The following SPAG9 variants were observed in gnomAD, a reference collection of about 807,000 sequenced individuals.
The protein encoded by SPAG9 is sperm associated antigen 9, also known as C-Jun-amino-terminal kinase-interacting protein 4.
SPAG9 carries 35 observed loss-of-function variants against 166.5 expected under a neutral mutation model. The observed-to-expected ratio is 0.21, with a 90% CI of 0.16 to 0.28. The LOEUF is 0.28. SPAG9 is among the 10% of genes least tolerant of loss of function. The pLI, the probability that SPAG9 is intolerant of heterozygous loss-of-function variation, is 1.00. For missense variants in SPAG9, 1,235 were observed against 1,603.3 expected (o/e 0.77, Z 3.92); for synonymous variants, 534 against 565.5 (o/e 0.94, Z 0.79).
At chr17:51,037,685 A>ATATATATATATATATATATAGTGTGTGT in intron 5 of SPAG9, among the ~76,000 whole-genome samples, 2 of 83,492 alleles carry the variant, frequency 2.4e-5, no homozygotes, top group African/African-American at 7.8e-5. Flanking sequence ...ATATATATAT[A>ATATATATATATATATATATAGTGTGTGT]GTGTGTGTGT....
At chr17:51,085,840 C>T (rs1270342658) in intron 1 of SPAG9, among the ~76,000 whole-genome samples, 1 of 151,726 alleles carries the variant, frequency 6.6e-6, no homozygotes, top group East Asian at 1.9e-4. Flanking sequence ...AAACTCAAAG[C>T]TATATACATT....
At chr17:51,053,102 T>C (rs573330077) in intron 3 of SPAG9, among the ~76,000 whole-genome samples, 1 of 151,868 alleles carries the variant, frequency 6.6e-6, no homozygotes, top group Non-Finnish European at 1.5e-5. Context: ...TAGCATAATT[T>C]AATAATTTTC....
chr17:51,004,147 A>G (rs372573224), intron 12 of SPAG9, among the ~76,000 whole-genome samples: 61 of 152,250 alleles, frequency 4.0e-4, no homozygotes, highest in African/African-American at 1.5e-3. Flanking sequence ...TACATATGTG[A>G]TATGATAAAA....
rs1207328431 is a variant in SPAG9 at position 50,964,002 on chromosome 17, C to A, written c.*2270G>T. Reference sequence around the variant, plus strand: ...AGTGGCTACAATTTTATTGTGTACACAATGTGCTTATAGTCACATGTGGCC... The same window carrying A: ...AGTGGCTACAATTTTATTGTGTACAAAATGTGCTTATAGTCACATGTGGCC... On this transcript the variant is annotated 3_prime_UTR_variant, in exon 30 of 30. Transcript: ENST00000262013. The A allele has an allele frequency of 6.6e-6, 1 of 152,196 alleles. No individual in the cohort carries two copies. The highest frequency in any genetic ancestry group is 1.9e-4 in the East Asian group (1 of 5,200). The allele number at this position is 152,196 out of a possible 1,614,324, so 9.4% of individuals were successfully genotyped here. A position where few individuals can be genotyped will look rare whatever the true frequency, so the allele number is the denominator to read the frequency against.
chr17:51,079,853 T>C, intron 1 of SPAG9, 149 bp from the exon 2 acceptor site: 1 of 552,968 alleles, frequency 1.8e-6, no homozygotes, highest in Non-Finnish European at 3.0e-6. Flanking sequence ...AGTTTTTCTA[T>C]AAAAATTAAG....
intron 3 of SPAG9, among the ~76,000 whole-genome samples, chr17:51,054,291 T>C (rs564137147): frequency 6.6e-6 from 1 of 151,676 alleles, no homozygotes; most frequent in East Asian, 2.0e-4. Context: ...TATTTTTGTA[T>C]ATATTTTTTT....
At chr17:51,014,407 C>T (rs965364241) in intron 8 of SPAG9, 54 bp from the exon 9 acceptor site, 111 of 1,546,070 alleles carry the variant, frequency 7.2e-5, no homozygotes, top group Non-Finnish European at 8.3e-5. Flanking sequence ...ACTTTTTTGA[C>T]GCTGTAAAAT....
chr17:51,119,542 G>A (rs1247635440), intron 1 of SPAG9, among the ~76,000 whole-genome samples: 2 of 152,166 alleles, frequency 1.3e-5, no homozygotes, highest in African/African-American at 4.8e-5. Context: ...CTGCTCGGGT[G>A]CTAGAGTTAA....
chr17:51,100,296 A>C (rs1282429686), intron 1 of SPAG9, among the ~76,000 whole-genome samples: 2 of 151,710 alleles, frequency 1.3e-5, no homozygotes, highest in African/African-American at 4.8e-5. Flanking sequence ...CCCAAGATAA[A>C]AGTATTTTTT....
intron 1 of SPAG9, among the ~76,000 whole-genome samples, chr17:51,105,107 G>GATAAATAAATAA (rs200736089): frequency 9.2e-4 from 140 of 151,410 alleles, no homozygotes; most frequent in Middle Eastern, 3.4e-3. Context: ...AAAATAAATA[G>GATAAATAAATAA]ATAAATAAAT....
At chr17:51,054,242 G>GA (rs2047293591) in intron 3 of SPAG9, among the ~76,000 whole-genome samples, 1 of 146,244 alleles carries the variant, frequency 6.8e-6, no homozygotes, top group South Asian at 2.1e-4. Context: ...TCAGCCTCCT[G>GA]AATAGCTGGG....
intron 6 of SPAG9, among the ~76,000 whole-genome samples, chr17:51,026,664 TTTTTC>T (rs1252230669): frequency 2.1e-5 from 3 of 146,018 alleles, no homozygotes; most frequent in Admixed American, 7.2e-5. Context: ...AGCCCTTTTC[TTTTTC>T]TTTTCTTTTT....
chr17:51,089,556 A>T (rs2048392514), intron 1 of SPAG9, among the ~76,000 whole-genome samples: 1 of 145,500 alleles, frequency 6.9e-6, no homozygotes, highest in Admixed American at 7.0e-5. Context: ...ATAAAATTAT[A>T]TATATATAAT....
intron 27 of SPAG9, chr17:50,975,397 A>AG (rs1416624636): frequency 5.0e-6 from 1 of 200,354 alleles, no homozygotes; most frequent in Non-Finnish European, 1.0e-5. Context: ...ATTTCCCTTG[A>AG]GGGGGTTGGT....
Position 51,078,665 on chromosome 17 carries a change from G to A in SPAG9, c.424+919C>T, listed in dbSNP as rs371623338. On this transcript the variant is annotated intron_variant, in intron 2 of 29. Coordinates refer to ENST00000262013, the MANE Select transcript of SPAG9 (RefSeq NM_001130528.3). The stretch of plus-strand genomic sequence containing the variant: ...TTAGGTCTGTTTTTATTAGCCAAAG[G>A]GGAAAATCATCCTTGAGGTTTGAAA... Among the ~76,000 whole-genome samples, 3 of 151,268 alleles carry A rather than the reference G, an allele frequency of 2.0e-5. No individual in the cohort carries two copies. The East Asian group carries it at 5.8e-4, about 29-fold the overall frequency.
chr17:51,120,559 C>T lies in SPAG9; in HGVS notation c.98G>A (p.Arg33His). 1 of 1,613,734 alleles carries T rather than the reference C, an allele frequency of 6.2e-7. No individual in the cohort carries two copies. Among genetic ancestry groups the T allele is most frequent in the Non-Finnish European group, 8.5e-7 (1 of 1,179,826 alleles). Residue 33 changes from arginine to histidine, a missense_variant, in exon 1 of 30, where the codon CGC becomes CAC. Physicochemically the swap from Arg to His is conservative, Grantham distance 29 (BLOSUM62 0). This residue lies in a region of SPAG9 where 83 missense variants were observed against 149.8 expected (regional missense o/e 0.55). Transcript: ENST00000262013. This position sits in a 1 kb window ranked among gnomAD's most constrained non-coding sequence, Gnocchi z 4.7. ...GCGCCCGATAAGCCGCTCGAACTCG[C>T]GGTAGATGGAGCCGGCCAGGCCGGA... ...RVSGLAGSIYREFERLIGRYD... is the reference protein window; with the variant it reads ...RVSGLAGSIYHEFERLIGRYD...
rs200436430 is a variant in SPAG9, at chr17:51,080,886, CAAAAAAAA to C, written c.304-1190_304-1183del. ...TGGGCTACAGAGCAAGACTCTATCT[CAAAAAAAA>C]AAAAAAAAAAAAAAAAAAGCATCTT... On this transcript the variant is annotated intron_variant, in intron 1 of 29. Coordinates refer to ENST00000262013, the MANE Select transcript of SPAG9 (RefSeq NM_001130528.3). Among the ~76,000 whole-genome samples the C allele has an allele frequency of 1.7e-3, 118 of 67,842 alleles. 1 individual carries two copies. The highest frequency in any genetic ancestry group is 3.7e-3 in the Admixed American group (26 of 7,116). 44.5% of individuals were successfully genotyped at this position (67,842 alleles called of 152,430 possible).
At chr17:50,970,888 C>G (rs1300697732) in intron 28 of SPAG9, 32 bp from the exon 29 acceptor site, 1 of 1,575,232 alleles carries the variant, frequency 6.3e-7, no homozygotes, top group Admixed American at 1.7e-5. Context: ...GTGAATATTA[C>G]TTATCACAGA....
At chr17:51,017,025 T>C (rs556518839) in intron 8 of SPAG9, among the ~76,000 whole-genome samples, 34 of 152,338 alleles carry the variant, frequency 2.2e-4, no homozygotes, top group African/African-American at 7.9e-4. Context: ...CTAACAGAAT[T>C]TGAAATATAT....
Sources: allele counts gnomAD v4.1 joint callset (sites outside exome capture counted in the v4.1 genomes callset), GRCh38; gene constraint gnomAD v4.1.1; regional missense constraint gnomAD v4.1.1; non-coding constraint Gnocchi (gnomAD v3.1); transcripts MANE v1.5; gene names NCBI Gene and HGNC (gene_info 2026-07-23, HGNC 2026-07-21).